Variants in NAT10 observed in about 807,000 individuals in gnomAD.
NAT10 encodes the protein RNA cytidine acetyltransferase.
Under a neutral mutation model 132.2 loss-of-function variants are expected in NAT10, and 109 were observed. That is an observed-to-expected ratio of 0.82 (90% CI 0.71 to 0.97). The LOEUF (loss-of-function observed/expected upper bound fraction) is 0.97, where lower values mean the gene tolerates loss of function less well. Ranked by LOEUF, NAT10 falls within the 50% of genes least tolerant of loss-of-function variation. NAT10 has a pLI of 0.00. For synonymous variants in NAT10, 479 were observed against 478.0 expected, an observed-to-expected ratio of 1.00 and a Z score of -0.03; for missense variants, 1,184 against 1,263.4, an observed-to-expected ratio of 0.94 and a Z score of 0.95.
chr11:34,123,639 C>T, intron 9 of NAT10, 123 bp from the exon 10 acceptor site: 3 of 673,776 alleles, frequency 4.5e-6, no homozygotes, highest in Non-Finnish European at 2.4e-6. Context: ...TGACTTTTTC[C>T]CTTGCTGTTA....
chr11:34,113,140 G>A (rs925252490), intron 4 of NAT10, among the ~76,000 whole-genome samples: 1 of 152,146 alleles, frequency 6.6e-6, no homozygotes, highest in Non-Finnish European at 1.5e-5. Flanking sequence ...ATGATCAATT[G>A]CCTGAATAAT....
chr11:34,136,155 C>T (rs1852208450), intron 19 of NAT10, among the ~76,000 whole-genome samples: 1 of 151,138 alleles, frequency 6.6e-6, no homozygotes, highest in East Asian at 2.0e-4. Context: ...GATCTCAGCT[C>T]ACTGCAACCT....
At chr11:34,115,493 C>T (rs553190182) in intron 5 of NAT10, among the ~76,000 whole-genome samples, 3 of 152,326 alleles carry the variant, frequency 2.0e-5, no homozygotes, top group African/African-American at 4.8e-5. Context: ...ATCCATTATA[C>T]TCCAAGTGCC....
At chr11:34,112,734 T>G (rs1590760945) in intron 4 of NAT10, among the ~76,000 whole-genome samples, 1 of 152,246 alleles carries the variant, frequency 6.6e-6, no homozygotes, top group East Asian at 1.9e-4. Context: ...GGTGAATTTC[T>G]GCACTGGTGT....
intron 5 of NAT10, among the ~76,000 whole-genome samples, chr11:34,115,577 A>C (rs1590762621): frequency 6.6e-6 from 1 of 152,384 alleles, no homozygotes; most frequent in Non-Finnish European, 1.5e-5. Context: ...CAATTTTATG[A>C]AATAAATGAA....
chr11:34,142,434 G>A (rs897067929), intron 27 of NAT10, 86 bp downstream of exon 27: 15 of 1,185,066 alleles, frequency 1.3e-5, no homozygotes, highest in African/African-American at 4.6e-5. Context: ...CATATCCCAC[G>A]TGCCCTGGAA....
chr11:34,138,941 CTCTGTG>C lies in NAT10; in HGVS notation c.2212-243_2212-238del, dbSNP rs780077236. ...AGGCCCAGAAGAGCCAGCAGCTCTT[CTCTGTG>C]TCTGTGACACTTTTGAGGAGATTGC... On this transcript the variant is annotated intron_variant, in intron 21 of 28. Transcript: ENST00000257829. 27 of 471,292 alleles carry C rather than the reference CTCTGTG, an allele frequency of 5.7e-5. 1 individual carries two copies. Among genetic ancestry groups the C allele is most frequent in the Non-Finnish European group, 9.3e-5 (24 of 259,416 alleles). 29.2% of individuals were successfully genotyped at this position (471,292 alleles called of 1,614,324 possible).
rs752580650 is a variant in NAT10, at chr11:34,136,989, G to A, written c.2174G>A (p.Arg725Gln). ...LTPRLLKFWK[R>Q]AGFVPVYLRQ... Reference sequence around the variant, plus strand: ...TTGTATCTTTGCAGGTTCTGGAAACGAGCTGGATTTGTTCCTGTTTATCTG... The same window carrying A: ...TTGTATCTTTGCAGGTTCTGGAAACAAGCTGGATTTGTTCCTGTTTATCTG... Residue 725 changes from arginine (R) to glutamine (Q), a missense_variant, in exon 21 of 29, where the codon CGA (arginine) becomes CAA (glutamine). Coordinates refer to ENST00000257829, the MANE Select transcript of NAT10 (RefSeq NM_024662.3). 9 of 1,614,192 alleles carry A rather than the reference G, an allele frequency of 5.6e-6. No homozygotes were observed. Among genetic ancestry groups the A allele is most frequent in the South Asian group, 4.4e-5 (4 of 91,086 alleles).
intron 6 of NAT10, among the ~76,000 whole-genome samples, 199 bp downstream of exon 6, chr11:34,116,083 C>G (rs1851778064): frequency 6.6e-6 from 1 of 152,232 alleles, no homozygotes; most frequent in African/African-American, 2.4e-5. Context: ...GCCAGGAAAC[C>G]TCAATTTTGT....
intron 3 of NAT10, among the ~76,000 whole-genome samples, chr11:34,110,974 A>G (rs1376315960): frequency 3.3e-5 from 5 of 152,202 alleles, no homozygotes; most frequent in African/African-American, 1.2e-4. Flanking sequence ...TCTCATATTT[A>G]GAGAGGTAGG....
chr11:34,120,333 A>G (rs1037295840), intron 8 of NAT10, among the ~76,000 whole-genome samples: 1 of 152,302 alleles, frequency 6.6e-6, no homozygotes, highest in East Asian at 1.9e-4. Context: ...AAATGATAAA[A>G]TACAGCCTTC....
At chr11:34,125,422 AC>A (rs1270837482) in intron 11 of NAT10, among the ~76,000 whole-genome samples, 1 of 152,192 alleles carries the variant, frequency 6.6e-6, no homozygotes, top group Non-Finnish European at 1.5e-5. Flanking sequence ...CTCTCATATT[AC>A]CAGAGTTCTT....
intron 3 of NAT10, among the ~76,000 whole-genome samples, chr11:34,110,361 C>T (rs1042414267): frequency 5.3e-5 from 8 of 151,790 alleles, no homozygotes; most frequent in African/African-American, 4.8e-5. Context: ...TCCACCTCCC[C>T]GGTATCACCT....
intron 6 of NAT10, among the ~76,000 whole-genome samples, chr11:34,117,269 G>C (rs915223819): frequency 1.3e-5 from 2 of 152,150 alleles, no homozygotes; most frequent in Admixed American, 6.5e-5. Context: ...AACACCTTAG[G>C]AAATTTTGAC....
intron 28 of NAT10, among the ~76,000 whole-genome samples, chr11:34,144,757 C>T (rs906878417): frequency 3.3e-5 from 5 of 152,130 alleles, no homozygotes; most frequent in Admixed American, 6.5e-5. Context: ...TGAGGCCTCC[C>T]CTGCCCAGAG....
chr11:34,146,122 A>G lies in NAT10; in HGVS notation c.3008A>G (p.Lys1003Arg). Residue 1003 changes from lysine (K) to arginine (R), a missense_variant, in exon 29 of 29, where the codon AAA (lysine) becomes AGA (arginine). By Grantham distance (26) the Lys-to-Arg change is conservative. Transcript: ENST00000257829. Reference sequence around the variant, plus strand: ...AAGTTAGAGGCCAAACAAGAACCCAAACAGAGCAAGAAGTTGAAGAACAGA... The same window carrying G: ...AAGTTAGAGGCCAAACAAGAACCCAGACAGAGCAAGAAGTTGAAGAACAGA... The part of the protein sequence containing the change: ...KRKLEAKQEP[K>R]QSKKLKNRET... The G allele has an allele frequency of 6.2e-7, 1 of 1,610,332 alleles. No individual in the cohort carries two copies. Among genetic ancestry groups the G allele is most frequent in the Non-Finnish European group, 8.5e-7 (1 of 1,178,884 alleles).
At position 34,118,403 on chromosome 11, in the gene NAT10, G is replaced by A; in HGVS notation, c.680G>A (p.Ser227Asn). The A allele has an allele frequency of 6.2e-7, 1 of 1,614,092 alleles. No individual in the cohort carries two copies. Among genetic ancestry groups the A allele is most frequent in the South Asian group, 1.1e-5 (1 of 91,064 alleles). ...EALPPQTPDE[S>N]LGPSDLELRE... is the part of the protein sequence containing the mutation. ...TTCTCCTCTCTCTGGTAGGATGAGAGTCTTGGTCCTTCTGATCTGGAGCTG... is the reference window on the plus strand; with the variant it reads ...TTCTCCTCTCTCTGGTAGGATGAGAATCTTGGTCCTTCTGATCTGGAGCTG... Residue 227 changes from serine (S) to asparagine (N), a missense_variant, in exon 8 of 29, where the codon AGT becomes AAT. By Grantham distance (46) the Ser-to-Asn change is conservative (BLOSUM62 1). Transcript: ENST00000257829.
At chr11:34,111,305 A>G (rs960757663) in intron 3 of NAT10, among the ~76,000 whole-genome samples, 1 of 152,198 alleles carries the variant, frequency 6.6e-6, no homozygotes, top group Admixed American at 6.5e-5. Flanking sequence ...AAACTCACCC[A>G]CTGCCTTGGT....
chr11:34,118,157 A>G (rs1357198215), intron 6 of NAT10, 23 bp from the exon 7 acceptor site: 4 of 1,580,762 alleles, frequency 2.5e-6, no homozygotes, highest in Non-Finnish European at 3.5e-6. Context: ...CCAACACTTC[A>G]TTGCAGCGGT....
Sources: allele counts gnomAD v4.1 joint callset (sites outside exome capture counted in the v4.1 genomes callset), GRCh38; gene constraint gnomAD v4.1.1; transcripts MANE v1.5; gene names NCBI Gene and HGNC (gene_info 2026-07-23, HGNC 2026-07-21).